The following CCDC170 variants were observed in gnomAD, a reference collection of about 807,000 sequenced individuals.
CCDC170 encodes coiled-coil domain containing 170.
In CCDC170, 69 loss-of-function variants were observed where a neutral mutation model predicts 72.6. That is an observed-to-expected ratio of 0.95 (90% CI 0.78 to 1.16). CCDC170 has a LOEUF of 1.16. CCDC170 is among the 50% of genes most tolerant of loss of function. The pLI is 0.00. For synonymous variants in CCDC170, 300 were observed against 303.9 expected, an observed-to-expected ratio of 0.99 and a Z score of 0.13; for missense variants, 852 against 832.5, an observed-to-expected ratio of 1.02 and a Z score of -0.29.
intron 7 of CCDC170, among the ~76,000 whole-genome samples, chr6:151,592,577 C>T (rs937339912): frequency 1.3e-5 from 2 of 152,214 alleles, no homozygotes; most frequent in East Asian, 1.9e-4. Context: ...CATCAGACGT[C>T]GTGAGACTTA....
At chr6:151,593,337 C>T (rs978860926) in intron 8 of CCDC170, 57 bp downstream of exon 8, 4 of 1,556,706 alleles carry the variant, frequency 2.6e-6, no homozygotes, top group East Asian at 2.3e-5. Context: ...AAAACCCAAA[C>T]ATTGAAAAAT....
At chr6:151,616,478 C>G (rs1310012882) in intron 10 of CCDC170, among the ~76,000 whole-genome samples, 1 of 151,650 alleles carries the variant, frequency 6.6e-6, no homozygotes, top group Non-Finnish European at 1.5e-5. Context: ...TTTTTCCCTG[C>G]TTTGGCTGCC....
At chr6:151,530,596 C>A (rs1011934147) in intron 1 of CCDC170, among the ~76,000 whole-genome samples, 5 of 152,024 alleles carry the variant, frequency 3.3e-5, no homozygotes, top group Admixed American at 2.0e-4. Flanking sequence ...CATATGCCAC[C>A]ATGCCCAGCT....
At chr6:151,533,885 A>G (rs1395798113) in intron 1 of CCDC170, among the ~76,000 whole-genome samples, 1 of 152,058 alleles carries the variant, frequency 6.6e-6, no homozygotes, top group Non-Finnish European at 1.5e-5. Flanking sequence ...AGTAAATACC[A>G]CTTGGTGGAC....
At chr6:151,556,227 A>G (rs1468428592) in intron 5 of CCDC170, among the ~76,000 whole-genome samples, 1 of 152,194 alleles carries the variant, frequency 6.6e-6, no homozygotes, top group Non-Finnish European at 1.5e-5. Context: ...AGGCTGAGGC[A>G]GGCAGATCAC....
intron 8 of CCDC170, among the ~76,000 whole-genome samples, chr6:151,594,734 CT>C (rs754162584): frequency 2.0e-5 from 3 of 151,994 alleles, no homozygotes; most frequent in Non-Finnish European, 4.4e-5. Context: ...TCACTGCAAC[CT>C]CTGCCTCCCG....
At chr6:151,511,413 A>G (rs1231508318) in intron 1 of CCDC170, among the ~76,000 whole-genome samples, 2 of 152,142 alleles carry the variant, frequency 1.3e-5, no homozygotes, top group Non-Finnish European at 2.9e-5. Context: ...TTGTCTATTT[A>G]TCTTCCCATC....
At chr6:151,534,515 G>GC (rs1782545307) in intron 1 of CCDC170, among the ~76,000 whole-genome samples, 1 of 152,210 alleles carries the variant, frequency 6.6e-6, no homozygotes, top group Admixed American at 6.5e-5. Context: ...TCCTCATATG[G>GC]CCTAGTTTAG....
chr6:151,507,642 G>A (rs914852724), intron 1 of CCDC170, among the ~76,000 whole-genome samples: 1 of 152,054 alleles, frequency 6.6e-6, no homozygotes, highest in South Asian at 2.1e-4. Context: ...ATAAATATTG[G>A]CCAGGCGCAG....
intron 1 of CCDC170, among the ~76,000 whole-genome samples, chr6:151,499,238 T>C (rs113935748): frequency 0.071 from 6,942 of 98,272 alleles, 517 homozygotes; most frequent in Middle Eastern, 0.13. Flanking sequence ...CTTCTAGGCA[T>C]GCTGTATAAG....
At chr6:151,562,612 T>G (rs1286225895) in intron 5 of CCDC170, among the ~76,000 whole-genome samples, 4 of 152,202 alleles carry the variant, frequency 2.6e-5, no homozygotes, top group Non-Finnish European at 5.9e-5. Context: ...TTTCTCCTGT[T>G]TAGATATTCT....
intron 6 of CCDC170, among the ~76,000 whole-genome samples, chr6:151,574,405 G>T (rs1225724906): frequency 2.0e-5 from 3 of 152,086 alleles, no homozygotes; most frequent in Admixed American, 6.6e-5. Context: ...CGGCCTCGGA[G>T]ATTTTGTTTT....
At chr6:151,578,140 G>T (rs562759572) in intron 6 of CCDC170, among the ~76,000 whole-genome samples, 1 of 152,164 alleles carries the variant, frequency 6.6e-6, no homozygotes, top group African/African-American at 2.4e-5. Context: ...TATGTTGTGC[G>T]GTTGCTCCGG....
At chr6:151,581,179 T>C (rs1776374724) in intron 6 of CCDC170, among the ~76,000 whole-genome samples, 1 of 152,184 alleles carries the variant, frequency 6.6e-6, no homozygotes, top group Admixed American at 6.5e-5. Context: ...ATTGACTCTT[T>C]TTTTTCTCAA....
At chr6:151,552,754 C>T (rs957323998) in intron 5 of CCDC170, among the ~76,000 whole-genome samples, 1 of 139,944 alleles carries the variant, frequency 7.1e-6, no homozygotes, top group Non-Finnish European at 1.5e-5. Context: ...GGCCACTGAA[C>T]TAAAACCAGC....
chr6:151,513,276 T>A (rs940393931), intron 1 of CCDC170, among the ~76,000 whole-genome samples: 3 of 152,160 alleles, frequency 2.0e-5, no homozygotes. Flanking sequence ...ATTATATTTT[T>A]AAAAAGCACA....
intron 6 of CCDC170, among the ~76,000 whole-genome samples, chr6:151,582,416 T>A (rs972412584): frequency 1.3e-5 from 2 of 152,348 alleles, no homozygotes; most frequent in South Asian, 2.1e-4. Context: ...GCTTCATAGA[T>A]TTAAGGAGAG....
chr6:151,603,387 C>G (rs933070417), intron 9 of CCDC170, among the ~76,000 whole-genome samples: 4 of 152,180 alleles, frequency 2.6e-5, no homozygotes, highest in African/African-American at 9.7e-5. Context: ...TTGGCTTTCA[C>G]TTTGCATGAA....
chr6:151,593,164 G>A lies in CCDC170; in HGVS notation c.1351G>A (p.Glu451Lys), dbSNP rs35618148. The A allele has an allele frequency of 2.2e-4, 357 of 1,614,158 alleles. 5 individuals carry two copies. In the African/African-American group the frequency reaches 2.9e-3, roughly 13 times the overall value. The change falls in exon 8 of 11, where the codon GAA (glutamate) becomes AAA (lysine). Residue 451 changes from glutamate (E) to lysine (K), a missense_variant. Physicochemically the swap from Glu to Lys is moderately conservative, Grantham distance 56. Transcript: ENST00000239374. ...QKMKLDQMAA[E>K]LGFDMRLDVV... Reference sequence around the variant, plus strand: ...AATGAAGTTGGACCAGATGGCTGCCGAACTTGGCTTTGACATGCGGCTGGA... The same window carrying A: ...AATGAAGTTGGACCAGATGGCTGCCAAACTTGGCTTTGACATGCGGCTGGA...
Sources: allele counts gnomAD v4.1 joint callset (sites outside exome capture counted in the v4.1 genomes callset), GRCh38; gene constraint gnomAD v4.1.1; transcripts MANE v1.5; gene names NCBI Gene and HGNC (gene_info 2026-07-23, HGNC 2026-07-21).